LARP7: variants seen among roughly 807,000 people sequenced by gnomAD.
LARP7 encodes the protein la-related protein 7.
Under a neutral mutation model 69.3 loss-of-function variants are expected in LARP7, and 52 were observed. That is an observed-to-expected ratio of 0.75 (90% confidence interval 0.60 to 0.95). The LOEUF (loss-of-function observed/expected upper bound fraction) is 0.95. Ranked by LOEUF, LARP7 falls within the 40% of genes least tolerant of loss-of-function variation. The probability of loss-of-function intolerance (pLI) is 0.00; values close to 1 mark genes in which losing one functional copy is unlikely to be tolerated. For synonymous variants in LARP7, 254 were observed against 215.9 expected, an observed-to-expected ratio of 1.18 and a Z score of -1.55; for missense variants, 733 against 673.0, an observed-to-expected ratio of 1.09 and a Z score of -0.99.
intron 1 of LARP7, among the ~76,000 whole-genome samples, chr4:112,641,045 G>A (rs2047939255): frequency 6.6e-6 from 1 of 152,164 alleles, no homozygotes; most frequent in Non-Finnish European, 1.5e-5. Flanking sequence ...AGATCCCCAG[G>A]CCAGATTATT....
Position 112,646,435 on chromosome 4 carries a change from G to A in LARP7, c.287G>A (p.Ser96Asn), listed in dbSNP as rs767837318. 7.5e-6 allele frequency: 12 copies of A among 1,597,996 alleles called. No individual in the cohort carries two copies. In the East Asian group the frequency reaches 1.8e-4, roughly 24 times the overall value. The stretch of plus-strand genomic sequence containing the variant: ...AAGTTAATTGCCAGAGCATTGAGAA[G>A]TTCAGCTGTTGTAGAGGTAAGAATC... Reference protein sequence around the residue: ...DGKLIARALRSSAVVELDLEG... With the variant: ...DGKLIARALRNSAVVELDLEG... Residue 96 changes from serine to asparagine, a missense_variant, in exon 3 of 13, where the codon AGT (serine) becomes AAT (asparagine). Physicochemically the swap from Ser to Asn is conservative, Grantham distance 46. Transcript: ENST00000344442.
rs369220092 is a variant in LARP7 at position 112,653,224 on chromosome 4, G to A, written c.1564G>A (p.Glu522Lys). ...TAACAAGAAACACTGCTGGAAACTC[G>A]AGATCCTTTCTGGTAAAACTTCATA... is the stretch of plus-strand genomic sequence containing the variant. ...EINKKHCWKL[E>K]ILSGDHEQRY... Residue 522 changes from glutamate to lysine, a missense_variant, in exon 11 of 13, where the codon GAG becomes AAG. By Grantham distance (56) the Glu-to-Lys change is moderately conservative. Transcript: ENST00000344442. The A allele has an allele frequency of 9.5e-6, 15 of 1,579,312 alleles. No individual in the cohort carries two copies. The highest frequency in any genetic ancestry group is 5.5e-5 in the African/African-American group (4 of 72,364).
At chr4:112,637,689 G>A (rs1379808710) in intron 1 of LARP7, 2 of 152,202 alleles carry the variant, frequency 1.3e-5, no homozygotes, top group African/African-American at 4.8e-5. Context: ...GTTACGGAAG[G>A]GAACTAACAC....
chr4:112,653,092 A>T lies in LARP7; in HGVS notation c.1432A>T (p.Ile478Phe), dbSNP rs908063312. The change falls in exon 11 of 13, where the codon ATC (isoleucine) becomes TTC (phenylalanine). Residue 478 changes from isoleucine (I) to phenylalanine (F), a missense_variant. Ile to Phe is a conservative substitution (Grantham distance 21). Coordinates refer to ENST00000344442, the MANE Select transcript of LARP7 (RefSeq NM_016648.4). Reference protein sequence around the residue: ...RKQVRDTLAAISEVLYVDLLE... With the variant: ...RKQVRDTLAAFSEVLYVDLLE... ...TCTAATGCAGGATACTTTGGCAGCA[A>T]TCTCAGAAGTTCTTTATGTTGATTT... The T allele has an allele frequency of 1.3e-6, 2 of 1,588,790 alleles. No individual in the cohort carries two copies. Among genetic ancestry groups the T allele is most frequent in the East Asian group, 4.5e-5 (2 of 44,396 alleles).
At chr4:112,649,770 T>G (rs2048623182) in intron 9 of LARP7, 84 bp downstream of exon 9, 2 of 933,088 alleles carry the variant, frequency 2.1e-6, no homozygotes, top group Non-Finnish European at 3.0e-6. Flanking sequence ...AGATAAATTT[T>G]AATTTTAAAA....
In LARP7 at chr4:112,648,149, TA is replaced by T. The variant is rs773961442; in HGVS notation, c.1142+322del. On this transcript the variant is annotated intron_variant, in intron 8 of 12. Transcript: ENST00000344442. ...CGGTCAATACAATAAAGTTATTTTC[TA>T]AAAAAATAATAAAAATGTAAAAGGA... is the stretch of plus-strand genomic sequence containing the variant. 19 of 519,474 alleles carry T rather than the reference TA, an allele frequency of 3.7e-5. 1 individual carries two copies. In the East Asian group the frequency reaches 9.3e-4, roughly 26 times the overall value. The allele number at this position is 519,474 out of a possible 1,614,324, so 32.2% of individuals were successfully genotyped here.
chr4:112,646,038 G>T (rs1057495435), intron 2 of LARP7, among the ~76,000 whole-genome samples: 3 of 151,814 alleles, frequency 2.0e-5, no homozygotes, highest in Non-Finnish European at 4.4e-5. Flanking sequence ...CTCCCAGGCT[G>T]GAGTGATCTC....
intron 1 of LARP7, among the ~76,000 whole-genome samples, chr4:112,639,299 T>C (rs1407195072): frequency 6.7e-6 from 1 of 148,634 alleles, no homozygotes; most frequent in Non-Finnish European, 1.5e-5. Flanking sequence ...AAGCTCCGCC[T>C]CCCGGATTCA....
chr4:112,647,153 G>C, intron 6 of LARP7, 26 bp downstream of exon 6: 1 of 1,596,016 alleles, frequency 6.3e-7, no homozygotes, highest in South Asian at 1.2e-5. Context: ...TATTTAAATA[G>C]GTGTAGTTGA....
chr4:112,638,383 T>C (rs1477437508), intron 1 of LARP7, among the ~76,000 whole-genome samples: 1 of 152,246 alleles, frequency 6.6e-6, no homozygotes, highest in East Asian at 1.9e-4. Flanking sequence ...TGGTGTCTTG[T>C]CTGACTCACT....
At chr4:112,647,601 G>GTTTTTAATTAATTAC (rs2048373493) in intron 7 of LARP7, 52 bp downstream of exon 7, 4 of 1,459,658 alleles carry the variant, frequency 2.7e-6, no homozygotes, top group Non-Finnish European at 3.6e-6. Context: ...TAATTAATTA[G>GTTTTTAATTAATTAC]TTTTTAATTA....
At chr4:112,644,608 T>G (rs1337009226) in intron 1 of LARP7, 60 bp from the exon 2 acceptor site, 1 of 1,284,694 alleles carries the variant, frequency 7.8e-7, no homozygotes, top group African/African-American at 1.5e-5. Flanking sequence ...ATCTAAATAT[T>G]TAACTATATT....
chr4:112,645,100 C>A (rs537968390), intron 2 of LARP7, among the ~76,000 whole-genome samples: 2 of 151,950 alleles, frequency 1.3e-5, no homozygotes, highest in South Asian at 2.1e-4. Context: ...GCAAGCACCA[C>A]CATGCCCGGC....
intron 12 of LARP7, chr4:112,654,410 C>CT (rs1578647820): frequency 9.0e-6 from 3 of 331,814 alleles, no homozygotes; most frequent in African/African-American, 6.3e-5. Context: ...CAGTGATATA[C>CT]TTTAACAGTC....
At chr4:112,646,285 TA>T (rs2048230522) in intron 2 of LARP7, 65 bp from the exon 3 acceptor site, 2 of 838,396 alleles carry the variant, frequency 2.4e-6, no homozygotes, top group South Asian at 3.4e-5. Context: ...AGGGGCAGGT[TA>T]AATTGTACCA....
intron 1 of LARP7, among the ~76,000 whole-genome samples, chr4:112,641,349 C>T (rs892591946): frequency 1.5e-4 from 23 of 151,734 alleles, no homozygotes; most frequent in African/African-American, 4.8e-4. Flanking sequence ...GATCGCGCCA[C>T]TGCACTCCAG....
chr4:112,637,277 G>A (rs932324186), intron 1 of LARP7, 38 bp downstream of exon 1: 6 of 152,334 alleles, frequency 3.9e-5, no homozygotes, highest in African/African-American at 1.2e-4. Flanking sequence ...CACAGCTTGG[G>A]CGAAGTCTAA....
intron 1 of LARP7, chr4:112,644,433 G>A: frequency 2.6e-6 from 3 of 1,138,800 alleles, no homozygotes; most frequent in Non-Finnish European, 3.4e-6. Context: ...AGGATAATCT[G>A]GCCCTGTGTT....
chr4:112,645,655 G>A (rs2048169665), intron 2 of LARP7: 1 of 451,332 alleles, frequency 2.2e-6, no homozygotes, highest in Non-Finnish European at 4.4e-6. Context: ...CAGTAGCTGA[G>A]AACACAGGCA....
Sources: allele counts gnomAD v4.1 joint callset (sites outside exome capture counted in the v4.1 genomes callset), GRCh38; gene constraint gnomAD v4.1.1; transcripts MANE v1.5; gene names NCBI Gene and HGNC (gene_info 2026-07-23, HGNC 2026-07-21).